CDH11: variants seen among roughly 807,000 people sequenced by gnomAD.
CDH11 encodes the protein cadherin-11.
CDH11 carries 11 observed loss-of-function variants against 67.8 expected under a neutral mutation model. The ratio of observed to expected loss-of-function variants is 0.16; its 90% CI spans 0.10 to 0.27. The LOEUF is 0.27. Ranked by LOEUF, CDH11 falls within the 10% of genes least tolerant of loss-of-function variation. The pLI is 1.00. For synonymous variants in CDH11, 419 were observed against 400.0 expected, an observed-to-expected ratio of 1.05 and a Z score of -0.57; for missense variants, 847 against 1,031.2, an observed-to-expected ratio of 0.82 and a Z score of 2.45.
chr16:65,006,706 G>A (rs994056195), intron 2 of CDH11, among the ~76,000 whole-genome samples: 1 of 152,140 alleles, frequency 6.6e-6, no homozygotes, highest in African/African-American at 2.4e-5. Context: ...AAAATAATGG[G>A]TCAAGGTCTG....
intron 11 of CDH11, among the ~76,000 whole-genome samples, chr16:64,954,724 A>C (rs1275840435): frequency 2.6e-5 from 4 of 152,092 alleles, no homozygotes; most frequent in Non-Finnish European, 5.9e-5. Context: ...TGGGAGTGCG[A>C]GCCTTCTCTC....
intron 1 of CDH11, among the ~76,000 whole-genome samples, chr16:65,064,055 AC>A (rs1208279643): frequency 6.6e-6 from 1 of 152,130 alleles, no homozygotes; most frequent in Non-Finnish European, 1.5e-5. Flanking sequence ...TGTGCAGAAG[AC>A]CTTGGCGGCC....
chr16:64,969,433 G>T (rs1225880279), intron 11 of CDH11, among the ~76,000 whole-genome samples: 4 of 152,082 alleles, frequency 2.6e-5, no homozygotes, highest in Non-Finnish European at 4.4e-5. Flanking sequence ...ACAGATAGAA[G>T]ATTGACCACA....
At chr16:65,062,754 T>C (rs1327042712) in intron 1 of CDH11, among the ~76,000 whole-genome samples, 2 of 152,322 alleles carry the variant, frequency 1.3e-5, no homozygotes, top group South Asian at 2.1e-4. Flanking sequence ...AGGCACAAAC[T>C]AAATGCTTCA....
At chr16:64,992,099 CATT>C (rs1363302179) in intron 5 of CDH11, among the ~76,000 whole-genome samples, 164 bp from the exon 6 acceptor site, 12 of 152,204 alleles carry the variant, frequency 7.9e-5, no homozygotes, top group Admixed American at 7.8e-4. Flanking sequence ...ACTGAAGCAT[CATT>C]ATGTCTTTTC....
At chr16:64,958,061 A>G (rs926979789) in intron 11 of CDH11, among the ~76,000 whole-genome samples, 4 of 152,152 alleles carry the variant, frequency 2.6e-5, no homozygotes, top group Non-Finnish European at 5.9e-5. Flanking sequence ...ATTACTGCAT[A>G]GTTTGTACAT....
chr16:65,010,971 T>G (rs201067789), intron 2 of CDH11, among the ~76,000 whole-genome samples: 1 of 127,928 alleles, frequency 7.8e-6, no homozygotes, highest in African/African-American at 3.3e-5. Context: ...ATATATGTGT[T>G]TATATATATA....
intron 2 of CDH11, among the ~76,000 whole-genome samples, chr16:65,011,196 A>T (rs946060659): frequency 6.6e-6 from 1 of 151,510 alleles, no homozygotes; most frequent in Middle Eastern, 3.4e-3. Flanking sequence ...AACCCACCCA[A>T]GTACACCCTG....
intron 1 of CDH11, among the ~76,000 whole-genome samples, chr16:65,096,429 GTGTGTGTGTGTGTGTATA>G (rs1324962274): frequency 2.8e-5 from 4 of 144,720 alleles, no homozygotes; most frequent in African/African-American, 1.1e-4. Context: ...GTGTGTGTGT[GTGTGTGTGTGTGTGTATA>G]TATATGTTTA....
chr16:65,027,509 C>T (rs187838449), intron 2 of CDH11, among the ~76,000 whole-genome samples: 2 of 152,312 alleles, frequency 1.3e-5, no homozygotes, highest in Non-Finnish European at 2.9e-5. Context: ...TCCAGCATTA[C>T]TTTGTAAAGG....
chr16:65,065,973 T>C (rs567158083), intron 1 of CDH11, among the ~76,000 whole-genome samples: 2 of 152,352 alleles, frequency 1.3e-5, no homozygotes, highest in African/African-American at 2.4e-5. Context: ...GAGTTACTGA[T>C]GCCACCTGCC....
At chr16:65,045,324 C>A (rs1237431624) in intron 2 of CDH11, among the ~76,000 whole-genome samples, 1 of 72,154 alleles carries the variant, frequency 1.4e-5, no homozygotes, top group Non-Finnish European at 2.9e-5. Context: ...TTGTTTCCCT[C>A]AAAAGTATAT....
intron 11 of CDH11, among the ~76,000 whole-genome samples, chr16:64,954,601 T>G (rs976854301): frequency 2.0e-5 from 3 of 152,094 alleles, no homozygotes; most frequent in Non-Finnish European, 2.9e-5. Context: ...CTGGTAAAGG[T>G]GAACACAGTG....
At chr16:65,123,336 G>A (rs949410844), upstream of CDH11, among the ~76,000 whole-genome samples, 3 of 152,018 alleles carry the variant, frequency 2.0e-5, no homozygotes, top group African/African-American at 7.2e-5. Flanking sequence ...GGATGAGGCT[G>A]GGAAAGGAGA....
intron 1 of CDH11, among the ~76,000 whole-genome samples, chr16:65,061,862 C>T (rs1470747396): frequency 2.0e-5 from 3 of 152,178 alleles, no homozygotes; most frequent in African/African-American, 7.2e-5. Flanking sequence ...TACCTTTCTA[C>T]AACACACAAT....
intron 1 of CDH11, among the ~76,000 whole-genome samples, chr16:65,087,174 C>T (rs1303124274): frequency 6.6e-6 from 1 of 152,144 alleles, no homozygotes; most frequent in Non-Finnish European, 1.5e-5. Context: ...ACAGGTATTG[C>T]TTCCTCCAAC....
chr16:65,086,584 C>G (rs905012097), intron 1 of CDH11, among the ~76,000 whole-genome samples: 1 of 152,208 alleles, frequency 6.6e-6, no homozygotes, highest in African/African-American at 2.4e-5. Context: ...GGTGAAAGCT[C>G]TCCGAAAACA....
chr16:65,118,226 TCTC>T (rs1230605392), intron 1 of CDH11, among the ~76,000 whole-genome samples: 1 of 152,064 alleles, frequency 6.6e-6, no homozygotes, highest in African/African-American at 2.4e-5. Flanking sequence ...TGTACAAGGC[TCTC>T]AATGTCAGGG....
At chr16:64,975,889 AAG>A (rs1455875851) in intron 8 of CDH11, among the ~76,000 whole-genome samples, 1 of 152,216 alleles carries the variant, frequency 6.6e-6, no homozygotes, top group Admixed American at 6.5e-5. Context: ...TAAAAAGAAA[AAG>A]AGGAAAAATC....
Sources: allele counts gnomAD v4.1 joint callset (sites outside exome capture counted in the v4.1 genomes callset), GRCh38; gene constraint gnomAD v4.1.1; transcripts MANE v1.5; gene names NCBI Gene and HGNC (gene_info 2026-07-23, HGNC 2026-07-21).